MAL: variants seen among roughly 807,000 people sequenced by gnomAD.
MAL encodes the protein mal, T cell differentiation protein (MAL blood group).
A neutral mutation model predicts 16.7 loss-of-function variants in MAL; 5 were observed. The observed-to-expected ratio is 0.30, with a 90% CI of 0.16 to 0.63. The LOEUF is 0.63. MAL is among the 30% of genes least tolerant of loss of function. MAL has a pLI of 0.82. For missense variants in MAL, 202 were observed against 195.8 expected (o/e 1.03, Z -0.19); for synonymous variants, 96 against 85.5 (o/e 1.12, Z -0.67).
At chr2:95,040,184 T>A (rs1573295457) in intron 1 of MAL, among the ~76,000 whole-genome samples, 1 of 151,424 alleles carries the variant, frequency 6.6e-6, no homozygotes, top group East Asian at 1.9e-4. Context: ...TGCACACACA[T>A]ATACACAGGC....
rs2104362831 is a variant in MAL at position 95,050,712 on chromosome 2, C to T, written c.387+1006C>T. On this transcript the variant is annotated intron_variant, in intron 3 of 3. Coordinates refer to ENST00000309988, the MANE Select transcript of MAL (RefSeq NM_002371.4). Reference sequence around the variant, plus strand: ...CCTGCCCTGGGGAAACCACACACTGCCCTCAAGCTCCCAGCCTACAATCGC... The same window carrying T: ...CCTGCCCTGGGGAAACCACACACTGTCCTCAAGCTCCCAGCCTACAATCGC... Among the ~76,000 whole-genome samples, 2 of 152,322 alleles carry T rather than the reference C, an allele frequency of 1.3e-5. 1 individual carries two copies. Among genetic ancestry groups the T allele is most frequent in the South Asian group, 4.1e-4 (2 of 4,826 alleles).
chr2:95,048,524 T>C (rs1208706938), intron 2 of MAL, among the ~76,000 whole-genome samples: 1 of 152,220 alleles, frequency 6.6e-6, no homozygotes, highest in Non-Finnish European at 1.5e-5. Flanking sequence ...GCCCTGGCTC[T>C]GAGGGTCAGG....
At chr2:95,032,492 C>T (rs1674107405) in intron 1 of MAL, among the ~76,000 whole-genome samples, 1 of 152,218 alleles carries the variant, frequency 6.6e-6, no homozygotes, top group Non-Finnish European at 1.5e-5. Flanking sequence ...TGCTTTGGAC[C>T]AGCAGGCCTC....
Position 95,046,969 on chromosome 2 carries a change from G to GAAGA in MAL, c.94-975_94-972dup, listed in dbSNP as rs748888408. On this transcript the variant is annotated intron_variant, in intron 1 of 3. Coordinates refer to ENST00000309988, the MANE Select transcript of MAL (RefSeq NM_002371.4). ...GAAAGAGAAAAAAGAAAGAAAGAAA[G>GAAGA]AAGAAAGAAAGAAAGAAAAAGAAGG... 8.9e-3 allele frequency among the ~76,000 whole-genome samples: 1,298 copies of GAAGA among 145,522 alleles called. 14 individuals are homozygous for GAAGA. Among genetic ancestry groups the GAAGA allele is most frequent in the African/African-American group, 0.03 (1,180 of 39,364 alleles).
At chr2:95,044,864 CTTCCCCTCACTT>C (rs1235591132) in intron 1 of MAL, among the ~76,000 whole-genome samples, 1 of 152,230 alleles carries the variant, frequency 6.6e-6, no homozygotes, top group Non-Finnish European at 1.5e-5. Context: ...CACACACTGA[CTTCCCCTCACTT>C]TTCCTGCCAT....
At chr2:95,038,812 GTGAC>G (rs1347432380) in intron 1 of MAL, among the ~76,000 whole-genome samples, 3 of 151,662 alleles carry the variant, frequency 2.0e-5, no homozygotes, top group Non-Finnish European at 4.4e-5. Context: ...GAGTGACCGA[GTGAC>G]TGAGTGAGTG....
chr2:95,032,545 T>C (rs1038140291), intron 1 of MAL, among the ~76,000 whole-genome samples: 2 of 152,156 alleles, frequency 1.3e-5, no homozygotes, highest in African/African-American at 4.8e-5. Context: ...TGTACCCTCC[T>C]GGTGTTGATG....
At chr2:95,036,773 G>C (rs564738254) in intron 1 of MAL, among the ~76,000 whole-genome samples, 1 of 151,896 alleles carries the variant, frequency 6.6e-6, no homozygotes, top group Admixed American at 6.5e-5. Context: ...GAGTGAGTGA[G>C]TGACTGAGTG....
At chr2:95,046,167 T>G (rs1399906179) in intron 1 of MAL, among the ~76,000 whole-genome samples, 2 of 152,182 alleles carry the variant, frequency 1.3e-5, no homozygotes, top group Non-Finnish European at 2.9e-5. Context: ...CAGCGGTATC[T>G]CTCACCCAGC....
At chr2:95,034,032 C>A (rs1432586162) in intron 1 of MAL, among the ~76,000 whole-genome samples, 1 of 152,264 alleles carries the variant, frequency 6.6e-6, no homozygotes, top group African/African-American at 2.4e-5. Flanking sequence ...ATTTAAGCAT[C>A]TGCTCTGAAA....
chr2:95,050,864 T>C (rs1445476681), intron 3 of MAL, among the ~76,000 whole-genome samples: 2 of 152,174 alleles, frequency 1.3e-5, no homozygotes, highest in East Asian at 1.9e-4. Flanking sequence ...CCAGGGGGCA[T>C]CTTGACTGAT....
At chr2:95,051,100 C>G (rs1376835976) in intron 3 of MAL, among the ~76,000 whole-genome samples, 8 of 152,166 alleles carry the variant, frequency 5.3e-5, no homozygotes, top group Non-Finnish European at 1.0e-4. Context: ...ATGGAAAAAC[C>G]CAGCTAGGGG....
At chr2:95,042,808 T>C (rs1475438393) in intron 1 of MAL, among the ~76,000 whole-genome samples, 10 of 152,186 alleles carry the variant, frequency 6.6e-5, no homozygotes, top group Non-Finnish European at 5.9e-5. Flanking sequence ...ACTCCCTTGC[T>C]CTGGACAAAT....
chr2:95,031,981 C>T (rs566004738), intron 1 of MAL, among the ~76,000 whole-genome samples: 1 of 152,044 alleles, frequency 6.6e-6, no homozygotes, highest in Non-Finnish European at 1.5e-5. Context: ...TGATGGGGCT[C>T]ATCTCCACAG....
intron 1 of MAL, among the ~76,000 whole-genome samples, chr2:95,029,143 G>T (rs571127677): frequency 6.6e-6 from 1 of 152,246 alleles, no homozygotes; most frequent in African/African-American, 2.4e-5. Context: ...CATAATTATT[G>T]CCCAACTTTG....
intron 3 of MAL, among the ~76,000 whole-genome samples, chr2:95,050,180 T>A (rs1321386819): frequency 2.0e-5 from 3 of 152,160 alleles, no homozygotes; most frequent in Non-Finnish European, 4.4e-5. Context: ...GGGCTGTGAG[T>A]CTGACCTCAT....
At chr2:95,046,409 G>A (rs987976086) in intron 1 of MAL, among the ~76,000 whole-genome samples, 1 of 152,212 alleles carries the variant, frequency 6.6e-6, no homozygotes, top group African/African-American at 2.4e-5. Context: ...CTTACTGGGT[G>A]GGGGTGGCGC....
chr2:95,041,672 A>T (rs1363499873), intron 1 of MAL, among the ~76,000 whole-genome samples: 1 of 151,956 alleles, frequency 6.6e-6, no homozygotes, highest in Non-Finnish European at 1.5e-5. Context: ...CTCACTTCAA[A>T]CTCGTCAACC....
chr2:95,050,233 C>T (rs1315534460), intron 3 of MAL, among the ~76,000 whole-genome samples: 23 of 152,178 alleles, frequency 1.5e-4, no homozygotes. Flanking sequence ...TTGAAGCATC[C>T]AGCCAGGGGT....
Sources: allele counts gnomAD v4.1 joint callset (sites outside exome capture counted in the v4.1 genomes callset), GRCh38; gene constraint gnomAD v4.1.1; transcripts MANE v1.5; gene names NCBI Gene and HGNC (gene_info 2026-07-23, HGNC 2026-07-21).